The following CZIB variants were observed in gnomAD, a reference collection of about 807,000 sequenced individuals.
The protein encoded by CZIB is CXXC motif containing zinc binding protein.
Under a neutral mutation model 28.3 loss-of-function variants are expected in CZIB, and 26 were observed. That is an observed-to-expected ratio of 0.92 (90% CI 0.67 to 1.27). The LOEUF (loss-of-function observed/expected upper bound fraction) is 1.27, where lower values mean the gene tolerates loss of function less well. Among genes scored for constraint, CZIB ranks in the 50% most tolerant of loss-of-function variants. CZIB has a pLI of 0.00. For synonymous variants in CZIB, 78 were observed against 71.1 expected, an observed-to-expected ratio of 1.10 and a Z score of -0.49; for missense variants, 179 against 197.3, an observed-to-expected ratio of 0.91 and a Z score of 0.56.
Position 53,218,860 on chromosome 1 carries a change from C to T in CZIB, c.147+7G>A, listed in dbSNP as rs1363138757. On this transcript the variant is annotated splice_region_variant and intron_variant, in intron 3 of 7. Transcript: ENST00000294360. ...TTTATGTTGGGGGTTGGGCGGGGAACAGTTACCATCAGCCGGATGTACTGC... is the reference window on the plus strand; with the variant it reads ...TTTATGTTGGGGGTTGGGCGGGGAATAGTTACCATCAGCCGGATGTACTGC... The T allele has an allele frequency of 1.9e-6, 3 of 1,611,212 alleles. No homozygotes were observed.
rs562757867 is a variant in CZIB at position 53,216,801 on chromosome 1, G to A, written c.320C>T (p.Pro107Leu). The A allele has an allele frequency of 1.2e-6, 2 of 1,614,108 alleles. No individual in the cohort carries two copies. The highest frequency in any genetic ancestry group is 2.2e-5 in the South Asian group (2 of 91,072). Residue 107 changes from proline (P) to leucine (L), a missense_variant, in exon 6 of 8, where the codon CCA (proline) becomes CTA (leucine). Physicochemically the swap from Pro to Leu is moderately conservative, Grantham distance 98. Coordinates refer to ENST00000294360, the MANE Select transcript of CZIB (RefSeq NM_017887.3). ...IVEFECRGLE[P>L]VDFQPQAGFA... ...ACACACCTGCGGCTGGAAATCAACT[G>A]GTTCAAGGCCCCGGCACTCAAACTC...
At chr1:53,218,985 G>C (rs1172701080) in intron 2 of CZIB, 62 bp from the exon 3 acceptor site, 2 of 1,431,818 alleles carry the variant, frequency 1.4e-6, no homozygotes, top group Non-Finnish European at 2.0e-6. Context: ...CAAGGAAAGG[G>C]TAAGAACAGT....
intron 7 of CZIB, among the ~76,000 whole-genome samples, chr1:53,214,960 T>C (rs962203495): frequency 1.3e-5 from 2 of 152,172 alleles, no homozygotes; most frequent in African/African-American, 4.8e-5. Context: ...CCGAGTCCTG[T>C]CTTCTATTTA....
At chr1:53,218,391 TC>T (rs1227026553) in intron 4 of CZIB, 22 bp downstream of exon 4, 23 of 1,613,746 alleles carry the variant, frequency 1.4e-5, no homozygotes, top group Non-Finnish European at 1.9e-5. Flanking sequence ...CTGGCAGAAC[TC>T]AGTACGCACA....
chr1:53,214,423 CTTAT>C lies in CZIB; in HGVS notation c.*232_*235del. 2.0e-6 allele frequency: 1 copy of C among 491,606 alleles called. No individual in the cohort carries two copies. Among genetic ancestry groups the C allele is most frequent in the Non-Finnish European group, 3.6e-6 (1 of 274,102 alleles). The allele number at this position is 491,606 out of a possible 1,614,324, so 30.5% of individuals were successfully genotyped here. A position where few individuals can be genotyped will look rare whatever the true frequency, so the allele number is the denominator to read the frequency against. Reference sequence around the variant, plus strand: ...GGAGTGAACTGCTGCTGCACGAATTCTTATTTGTGGAGGGAGTAGCTGCCTCCTT... The same window carrying C: ...GGAGTGAACTGCTGCTGCACGAATTCTTGTGGAGGGAGTAGCTGCCTCCTT... On this transcript the variant is annotated 3_prime_UTR_variant, in exon 8 of 8. Coordinates refer to ENST00000294360, the MANE Select transcript of CZIB (RefSeq NM_017887.3).
chr1:53,215,185 C>T (rs1645462353), intron 7 of CZIB, among the ~76,000 whole-genome samples: 1 of 152,042 alleles, frequency 6.6e-6, no homozygotes, highest in Non-Finnish European at 1.5e-5. Flanking sequence ...ACTAAAAATA[C>T]AAAAAATAGC....
intron 5 of CZIB, chr1:53,217,078 A>C (rs1044904713): frequency 3.6e-5 from 18 of 504,564 alleles, no homozygotes; most frequent in African/African-American, 3.3e-4. Flanking sequence ...AAGAGCGTGG[A>C]TGCTGGGGTC....
At chr1:53,215,925 G>A (rs1645469080) in intron 7 of CZIB, 66 bp downstream of exon 7, 12 of 1,521,034 alleles carry the variant, frequency 7.9e-6, no homozygotes, top group Admixed American at 5.1e-5. Context: ...GATGAGCCTT[G>A]TCCACCAAAA....
At chr1:53,215,723 A>G (rs1645467345) in intron 7 of CZIB, among the ~76,000 whole-genome samples, 1 of 152,220 alleles carries the variant, frequency 6.6e-6, no homozygotes, top group African/African-American at 2.4e-5. Context: ...TTGTTGATTC[A>G]TGAACTCACA....
At chr1:53,219,368 A>C in intron 2 of CZIB, 1 of 200,360 alleles carries the variant, frequency 5.0e-6, no homozygotes, top group Middle Eastern at 2.1e-3. Context: ...CAAAGAAATG[A>C]TACACGTTTG....
chr1:53,219,216 G>A, intron 2 of CZIB: 1 of 401,422 alleles, frequency 2.5e-6, no homozygotes. Context: ...TGAGGGGGGG[G>A]AATATGGAGA....
intron 5 of CZIB, chr1:53,217,567 T>TTC (rs1263492862): frequency 6.5e-6 from 1 of 153,656 alleles, no homozygotes; most frequent in Admixed American, 6.4e-5. Flanking sequence ...GGTAAGGCAC[T>TTC]TCTCTGTTAG....
At position 53,214,739 on chromosome 1, in the gene CZIB, G is replaced by A. The variant is rs1645458567; in HGVS notation, c.406-3C>T. 13 of 1,613,562 alleles carry A rather than the reference G, an allele frequency of 8.1e-6. No individual in the cohort carries two copies. The East Asian group carries it at 2.2e-4, about 28-fold the overall frequency. ...TTTTCATCATAGTCAGTCCAGTCCT[G>A]GGAAACAAAATGGCATTGTTAGCCT... On this transcript the variant is annotated splice_region_variant and splice_polypyrimidine_tract_variant and intron_variant, in intron 7 of 7. Coordinates refer to ENST00000294360, the MANE Select transcript of CZIB (RefSeq NM_017887.3).
Position 53,215,087 on chromosome 1 carries a change from C to T in CZIB, c.406-351G>A, listed in dbSNP as rs1645461627. On this transcript the variant is annotated intron_variant, in intron 7 of 7. Transcript: ENST00000294360. ...GGGCGTGGTGGCTCATGCCTGTAATCCCAGCACTTTGGGAGGCCAAGGCAG... is the reference window on the plus strand; with the variant it reads ...GGGCGTGGTGGCTCATGCCTGTAATTCCAGCACTTTGGGAGGCCAAGGCAG... 1.3e-5 allele frequency among the ~76,000 whole-genome samples: 2 copies of T among 152,298 alleles called. 1 individual carries two copies. Among genetic ancestry groups the T allele is most frequent in the South Asian group, 4.1e-4 (2 of 4,828 alleles).
chr1:53,214,849 C>T, intron 7 of CZIB, 113 bp from the exon 8 acceptor site: 1 of 791,718 alleles, frequency 1.3e-6, no homozygotes, highest in Non-Finnish European at 2.1e-6. Flanking sequence ...TAATCATGAA[C>T]ATGTATGACC....
At position 53,220,353 on chromosome 1, in the gene CZIB, G is replaced by GA; in HGVS notation, c.7-10dup. 6.2e-7 allele frequency: 1 copy of GA among 1,611,548 alleles called. No homozygotes were observed. ...AGTTGCAGCGCGATTTTCTGAGGGGGAGGGCCAGAGCGACTGCGTCAGCCG... is the reference window on the plus strand; with the variant it reads ...AGTTGCAGCGCGATTTTCTGAGGGGGAAGGGCCAGAGCGACTGCGTCAGCCG... On this transcript the variant is annotated splice_polypyrimidine_tract_variant and intron_variant, in intron 1 of 7. Coordinates refer to ENST00000294360, the MANE Select transcript of CZIB (RefSeq NM_017887.3).
chr1:53,219,215 G>A (rs187073124), intron 2 of CZIB: 14 of 401,850 alleles, frequency 3.5e-5, no homozygotes, highest in South Asian at 6.5e-5. Flanking sequence ...GTGAGGGGGG[G>A]GAATATGGAG....
rs141056335 is a variant in CZIB, at chr1:53,218,456, T to C, written c.187A>G (p.Met63Val). 431 of 1,614,164 alleles carry C rather than the reference T, an allele frequency of 2.7e-4. No individual in the cohort carries two copies. In the African/African-American group the frequency reaches 3.9e-3, roughly 15 times the overall value. Residue 63 changes from methionine to valine, a missense_variant, in exon 4 of 8, where the codon ATG (methionine) becomes GTG (valine). Physicochemically the swap from Met to Val is conservative, Grantham distance 21. Coordinates refer to ENST00000294360, the MANE Select transcript of CZIB (RefSeq NM_017887.3). ...GCACACAGCTTGCACTTCTGGACCA[T>C]GGAAGCACTGCCACGGCCCCCCTTC... ...ALKGGRGSAS[M>V]VQKCKLCARE... is the part of the protein sequence containing the mutation.
chr1:53,218,980 A>G, intron 2 of CZIB, 57 bp from the exon 3 acceptor site: 2 of 1,478,980 alleles, frequency 1.4e-6, no homozygotes, highest in South Asian at 2.3e-5. Context: ...GACACCAAGG[A>G]AAGGGTAAGA....
Sources: allele counts gnomAD v4.1 joint callset (sites outside exome capture counted in the v4.1 genomes callset), GRCh38; gene constraint gnomAD v4.1.1; transcripts MANE v1.5; gene names NCBI Gene and HGNC (gene_info 2026-07-23, HGNC 2026-07-21).